PEAK1: variants seen among roughly 807,000 people sequenced by gnomAD.
PEAK1 encodes the protein pseudopodium enriched atypical kinase 1.
A neutral mutation model predicts 124.7 loss-of-function variants in PEAK1; 54 were observed. The ratio of observed to expected loss-of-function variants is 0.43; its 90% CI spans 0.35 to 0.54. The LOEUF (loss-of-function observed/expected upper bound fraction) is 0.54, where lower values mean the gene tolerates loss of function less well. Among genes scored for constraint, PEAK1 ranks in the 20% least tolerant of loss-of-function variants. The pLI is 0.01. For synonymous variants in PEAK1, 719 were observed against 760.0 expected, an observed-to-expected ratio of 0.95 and a Z score of 0.89; for missense variants, 2,046 against 2,134.5, an observed-to-expected ratio of 0.96 and a Z score of 0.82.
intron 2 of PEAK1, chr15:77,337,190 G>C: frequency 2.0e-6 from 2 of 984,800 alleles, no homozygotes; most frequent in African/African-American, 3.5e-5. Flanking sequence ...GCAGGTAGAG[G>C]AGTAAAAGAA....
intron 1 of PEAK1, among the ~76,000 whole-genome samples, chr15:77,392,718 G>A (rs1243761382): frequency 2.0e-5 from 3 of 152,116 alleles, no homozygotes; most frequent in African/African-American, 7.2e-5. Context: ...TTGAGGAGGC[G>A]GCGGAGTAAG....
intron 2 of PEAK1, chr15:77,333,375 A>G (rs1275422053): frequency 1.0e-6 from 1 of 983,642 alleles, no homozygotes; most frequent in African/African-American, 1.7e-5. Flanking sequence ...TTAGAAACCA[A>G]TGGTGGTTTT....
chr15:77,209,812 C>A (rs1188507283), intron 6 of PEAK1, among the ~76,000 whole-genome samples: 1 of 152,182 alleles, frequency 6.6e-6, no homozygotes, highest in Non-Finnish European at 1.5e-5. Context: ...TCCCTTAGAG[C>A]CTTCTGAAGG....
intron 6 of PEAK1, among the ~76,000 whole-genome samples, chr15:77,200,358 G>A (rs771021106): frequency 2.6e-5 from 4 of 152,156 alleles, no homozygotes; most frequent in Non-Finnish European, 5.9e-5. Flanking sequence ...GTCAACAGTG[G>A]TCAGGTTTTT....
chr15:77,133,388 C>T lies in PEAK1; in HGVS notation c.3694G>A (p.Ala1232Thr), dbSNP rs2053045438. ...LRKERPVPSA[A>T]NSISSLTTLS... The stretch of plus-strand genomic sequence containing the variant: ...GTGGTTAAGCTGGAAATGCTGTTTG[C>T]TGCTGAGGGGACAGGTCTCTCCTTG... The change falls in exon 9 of 10, where the codon GCA becomes ACA. Residue 1232 changes from alanine to threonine, a missense_variant. Physicochemically the swap from Ala to Thr is moderately conservative, Grantham distance 58 (BLOSUM62 0). Coordinates refer to ENST00000682557, the MANE Select transcript of PEAK1 (RefSeq NM_001385026.1). The surrounding 1 kb of genome is among the most constrained non-coding windows in gnomAD (Gnocchi z 4.2). 2 of 1,614,122 alleles carry T rather than the reference C, an allele frequency of 1.2e-6. No individual in the cohort carries two copies. The highest frequency in any genetic ancestry group is 2.2e-5 in the East Asian group (1 of 44,896).
At chr15:77,350,997 T>C (rs538947106) in intron 2 of PEAK1, 2 of 950,616 alleles carry the variant, frequency 2.1e-6, no homozygotes, top group Middle Eastern at 5.4e-4. Flanking sequence ...TATTGTGTAC[T>C]AGGCACTATT....
At chr15:77,392,612 C>T (rs936108295) in intron 1 of PEAK1, among the ~76,000 whole-genome samples, 5 of 152,092 alleles carry the variant, frequency 3.3e-5, no homozygotes, top group Non-Finnish European at 7.4e-5. Flanking sequence ...AAGAGAGGTA[C>T]AGGGGATCTA....
At position 77,133,451 on chromosome 15, in the gene PEAK1, C is replaced by T. The variant is rs2053051737; in HGVS notation, c.3631G>A (p.Asp1211Asn). 1 of 1,614,202 alleles carries T rather than the reference C, an allele frequency of 6.2e-7. No homozygotes were observed. The highest frequency in any genetic ancestry group is 8.5e-7 in the Non-Finnish European group (1 of 1,180,028). Residue 1211 changes from aspartate (D) to asparagine (N), a missense_variant, in exon 9 of 10, where the codon GAC becomes AAC. By Grantham distance (23) the Asp-to-Asn change is conservative (BLOSUM62 1). Transcript: ENST00000682557. The surrounding 1 kb of genome is among the most constrained non-coding windows in gnomAD (Gnocchi z 4.2). The part of the protein sequence containing the change: ...SSISYELKGL[D>N]IESYDSLERP... ...TCCAAGGAGTCATAAGACTCAATGT[C>T]CAGTCCTTTGAGTTCATAGCTGATG...
chr15:77,348,614 T>G, intron 2 of PEAK1: 1 of 983,276 alleles, frequency 1.0e-6, no homozygotes, highest in African/African-American at 1.7e-5. Flanking sequence ...AAATCTTGCT[T>G]AATTCCTAAA....
chr15:77,313,712 G>A (rs77408011), intron 2 of PEAK1, among the ~76,000 whole-genome samples: 13,845 of 96,884 alleles, frequency 0.14, 891 homozygotes, highest in African/African-American at 0.18. Context: ...ATATGTATGT[G>A]TGTGTGTGTG....
chr15:77,260,004 A>AT (rs35228694), intron 5 of PEAK1, among the ~76,000 whole-genome samples: 9 of 152,050 alleles, frequency 5.9e-5, no homozygotes, highest in African/African-American at 2.2e-4. Flanking sequence ...GAAGGGTAAA[A>AT]TTTTTTTTGA....
In PEAK1 at chr15:77,115,022, C is replaced by A; in HGVS notation, c.4375G>T (p.Val1459Phe). 1 of 1,614,152 alleles carries A rather than the reference C, an allele frequency of 6.2e-7. No homozygotes were observed. The highest frequency in any genetic ancestry group is 1.1e-5 in the South Asian group (1 of 91,084). ...GGAACCTCCCTGGTGATGACCACAA[C>A]GTGGCTCCTCTGCTTCTTGCTCATG... is the stretch of plus-strand genomic sequence containing the variant. ...GVMSKKQRSH[V>F]VVITREVPCL... Residue 1459 changes from valine to phenylalanine, a missense_variant, in exon 10 of 10, where the codon GTT (valine) becomes TTT (phenylalanine). Physicochemically the swap from Val to Phe is conservative, Grantham distance 50. Transcript: ENST00000682557.
rs536101781 is a variant in PEAK1 at position 77,329,698 on chromosome 15, C to G, written c.-603+35465G>C. ...ACCTGGACATGACCATTCTGTTGAA[C>G]TATATTGCACAGTTTTTCATCACTG... On this transcript the variant is annotated intron_variant, in intron 2 of 9. Transcript: ENST00000682557. Among the ~76,000 whole-genome samples, 44 of 152,276 alleles carry G rather than the reference C, an allele frequency of 2.9e-4. No individual in the cohort carries two copies. The Middle Eastern group carries it at 0.014, about 47-fold the overall frequency.
chr15:77,294,488 C>A (rs1597151635), intron 2 of PEAK1, among the ~76,000 whole-genome samples: 1 of 152,188 alleles, frequency 6.6e-6, no homozygotes, highest in Admixed American at 6.5e-5. Flanking sequence ...TTTGTCTAGG[C>A]AAAACATTCA....
chr15:77,172,274 C>T (rs1258460785), intron 7 of PEAK1, among the ~76,000 whole-genome samples: 1 of 152,104 alleles, frequency 6.6e-6, no homozygotes, highest in Non-Finnish European at 1.5e-5. Flanking sequence ...TGAGTTAATG[C>T]AGATCCTCTA....
intron 6 of PEAK1, among the ~76,000 whole-genome samples, chr15:77,249,661 A>G (rs1375489924): frequency 2.0e-5 from 3 of 152,262 alleles, no homozygotes; most frequent in Admixed American, 1.3e-4. Flanking sequence ...GAATCAGTGC[A>G]GTTATTTTAC....
chr15:77,348,389 A>G (rs2067001759), intron 2 of PEAK1: 1 of 901,864 alleles, frequency 1.1e-6, no homozygotes, highest in African/African-American at 1.8e-5. Context: ...TTATTTGGTA[A>G]TTACACTATA....
At chr15:77,152,714 G>C (rs1389227434) in intron 8 of PEAK1, among the ~76,000 whole-genome samples, 1 of 152,118 alleles carries the variant, frequency 6.6e-6, no homozygotes, top group East Asian at 1.9e-4. Flanking sequence ...GTTGAATTTT[G>C]TCAAAGGCCT....
At chr15:77,395,814 G>A (rs919165537) in intron 1 of PEAK1, among the ~76,000 whole-genome samples, 1 of 152,132 alleles carries the variant, frequency 6.6e-6, no homozygotes, top group Non-Finnish European at 1.5e-5. Flanking sequence ...TATGATAAAT[G>A]CTAATAGGAA....
Sources: allele counts gnomAD v4.1 joint callset (sites outside exome capture counted in the v4.1 genomes callset), GRCh38; gene constraint gnomAD v4.1.1; non-coding constraint Gnocchi (gnomAD v3.1); transcripts MANE v1.5; gene names NCBI Gene and HGNC (gene_info 2026-07-23, HGNC 2026-07-21).